Variants in LRRC37A2 observed in about 807,000 individuals in gnomAD.
LRRC37A2 encodes the protein leucine rich repeat containing 37 member A2, also known as leucine-rich repeat-containing protein 37A2.
In LRRC37A2, 9 loss-of-function variants were observed where a neutral mutation model predicts 68.8. The ratio of observed to expected loss-of-function variants is 0.13; its 90% CI spans 0.08 to 0.23. The LOEUF (loss-of-function observed/expected upper bound fraction) is 0.23. Ranked by LOEUF, LRRC37A2 falls within the 10% of genes least tolerant of loss-of-function variation. The pLI is 1.00. For missense variants in LRRC37A2, 168 were observed against 950.4 expected (o/e 0.18, Z 10.82); for synonymous variants, 63 against 367.6 (o/e 0.17, Z 9.48).
chr17:46,888,385 G>A, the LRRC37A2 span, among the ~76,000 whole-genome samples: 6 of 152,268 alleles, frequency 3.9e-5, no homozygotes, highest in African/African-American at 1.2e-4. Flanking sequence ...CTTACTGTAT[G>A]GTAGCTATTA....
chr17:46,768,250 G>A, the LRRC37A2 span: 1 of 1,606,682 alleles, frequency 6.2e-7, no homozygotes, highest in East Asian at 2.2e-5. This position sits in a 1 kb window ranked among gnomAD's most constrained non-coding sequence, Gnocchi z 5.0. Context: ...GACGAGATGG[G>A]CAAACAACCC....
chr17:46,493,815 G>A, the LRRC37A2 span, among the ~76,000 whole-genome samples: 9 of 150,844 alleles, frequency 6.0e-5, 1 homozygote, highest in African/African-American at 2.2e-4. Flanking sequence ...GGGATTACAG[G>A]CGTGAGCCAC....
the LRRC37A2 span, chr17:46,929,452 T>G: frequency 3.6e-6 from 3 of 827,812 alleles, no homozygotes; most frequent in South Asian, 2.7e-5. Context: ...TCAGAAAAAT[T>G]GTCTTTCCTG....
At chr17:46,811,298 C>T in the LRRC37A2 span, among the ~76,000 whole-genome samples, 1 of 152,130 alleles carries the variant, frequency 6.6e-6, no homozygotes, top group South Asian at 2.1e-4. Flanking sequence ...ATGGGAAATG[C>T]TGATGTCAAC....
the LRRC37A2 span, among the ~76,000 whole-genome samples, chr17:47,011,622 T>C: frequency 6.6e-6 from 1 of 151,282 alleles, no homozygotes; most frequent in Admixed American, 6.6e-5. Flanking sequence ...CCAAGGTTGG[T>C]CTGAAACTCC....
At chr17:46,437,687 T>C in the LRRC37A2 span, among the ~76,000 whole-genome samples, 1 of 150,856 alleles carries the variant, frequency 6.6e-6, no homozygotes, top group East Asian at 1.9e-4. Context: ...TTATCCTCGA[T>C]GATATGATTT....
chr17:46,491,499 T>C, the LRRC37A2 span, among the ~76,000 whole-genome samples: 1 of 142,496 alleles, frequency 7.0e-6, no homozygotes, highest in African/African-American at 2.9e-5. Context: ...TATATTTATG[T>C]CTCCTTTTTC....
chr17:46,773,953 A>G, the LRRC37A2 span: 1 of 1,598,764 alleles, frequency 6.3e-7, no homozygotes, highest in Non-Finnish European at 8.5e-7. Flanking sequence ...CACAAAGCAC[A>G]GAGCCCATCC....
At chr17:46,810,067 T>C in the LRRC37A2 span, among the ~76,000 whole-genome samples, 1 of 146,836 alleles carries the variant, frequency 6.8e-6, no homozygotes, top group Non-Finnish European at 1.5e-5. Flanking sequence ...AAGGCAGTGG[T>C]GCAATCTCGG....
At chr17:46,943,861 T>TG in the LRRC37A2 span, among the ~76,000 whole-genome samples, 1 of 152,124 alleles carries the variant, frequency 6.6e-6, no homozygotes, top group African/African-American at 2.4e-5. Flanking sequence ...GTGACCAACT[T>TG]GTCTGGGTTT....
chr17:46,766,040 GCACTTTA>G, the LRRC37A2 span, among the ~76,000 whole-genome samples: 23 of 152,234 alleles, frequency 1.5e-4, no homozygotes, highest in South Asian at 1.2e-3. Context: ...TATCTATGTA[GCACTTTA>G]CATAAGATTG....
the LRRC37A2 span, among the ~76,000 whole-genome samples, chr17:46,985,222 G>A: frequency 2.0e-5 from 3 of 152,206 alleles, no homozygotes. Context: ...AGAGGTTGAA[G>A]GCAGAGGGAA....
chr17:46,463,514 A>G, the LRRC37A2 span, among the ~76,000 whole-genome samples: 1 of 101,844 alleles, frequency 9.8e-6, no homozygotes, highest in African/African-American at 3.8e-5. Context: ...TAAAATGAAT[A>G]TGCTGAGCAC....
chr17:46,929,849 C>T, the LRRC37A2 span: 1 of 436,340 alleles, frequency 2.3e-6, no homozygotes, highest in East Asian at 4.4e-5. Flanking sequence ...CTCCATCTAT[C>T]TTAATCTAAT....
chr17:47,017,213 G>C, the LRRC37A2 span: 16 of 1,611,858 alleles, frequency 9.9e-6, no homozygotes, highest in African/African-American at 1.6e-4. Flanking sequence ...CTCAGTGCCC[G>C]GCACTAGCGT....
At chr17:46,836,967 G>A in the LRRC37A2 span, among the ~76,000 whole-genome samples, 1 of 152,000 alleles carries the variant, frequency 6.6e-6, no homozygotes, top group Non-Finnish European at 1.5e-5. Flanking sequence ...TTTTGAGACA[G>A]AGTCTCGCTC....
the LRRC37A2 span, among the ~76,000 whole-genome samples, chr17:46,945,767 A>G: frequency 6.6e-6 from 1 of 152,140 alleles, no homozygotes; most frequent in African/African-American, 2.4e-5. Flanking sequence ...GCAGAAGCTC[A>G]GGGAGTGGGG....
downstream of LRRC37A2, chr17:46,557,070 A>T (rs1482167246): frequency 2.1e-6 from 1 of 469,470 alleles, no homozygotes; most frequent in East Asian, 5.6e-5. Context: ...TAAAAAGGAA[A>T]AAACACCTAG....
the LRRC37A2 span, among the ~76,000 whole-genome samples, chr17:46,838,542 G>A: frequency 3.3e-5 from 5 of 152,026 alleles, no homozygotes; most frequent in Non-Finnish European, 5.9e-5. Context: ...CAGGAGGATC[G>A]CTTGAGCCTG....
Sources: allele counts gnomAD v4.1 joint callset (sites outside exome capture counted in the v4.1 genomes callset), GRCh38; gene constraint gnomAD v4.1.1; non-coding constraint Gnocchi (gnomAD v3.1); transcripts MANE v1.5; gene names NCBI Gene and HGNC (gene_info 2026-07-23, HGNC 2026-07-21).